Variants in IQGAP1 observed in about 807,000 individuals in gnomAD.
IQGAP1 encodes IQ motif containing GTPase activating protein 1.
IQGAP1 carries 66 observed loss-of-function variants against 215.6 expected under a neutral mutation model. The observed-to-expected ratio is 0.31, with a 90% CI of 0.25 to 0.38. The LOEUF is 0.38. Ranked by LOEUF, IQGAP1 falls within the 10% of genes least tolerant of loss-of-function variation. IQGAP1 has a pLI of 1.00. For synonymous variants in IQGAP1, 772 were observed against 728.7 expected (o/e 1.06, Z -0.96); for missense variants, 1,712 against 1,997.1 (o/e 0.86, Z 2.72).
rs565009431 is a variant in IQGAP1 at position 90,448,396 on chromosome 15, G to A, written c.914-177G>A. Among the ~76,000 whole-genome samples, 2 of 152,128 alleles carry A rather than the reference G, an allele frequency of 1.3e-5. 1 individual carries two copies. The highest frequency in any genetic ancestry group is 4.1e-4 in the South Asian group (2 of 4,822). On this transcript the variant is annotated intron_variant, in intron 9 of 37. Coordinates refer to ENST00000268182, the MANE Select transcript of IQGAP1 (RefSeq NM_003870.4). ...TAGCTTGTTGGGAACCCCTGGACTT[G>A]ATGACTCTAAGGTTCTTTTCCAATC... is the stretch of plus-strand genomic sequence containing the variant.
chr15:90,442,068 A>G (rs953119792), intron 8 of IQGAP1, among the ~76,000 whole-genome samples: 20 of 152,240 alleles, frequency 1.3e-4, no homozygotes, highest in African/African-American at 4.3e-4. Context: ...TCTAGAGCGT[A>G]GCCATTAAAA....
intron 2 of IQGAP1, among the ~76,000 whole-genome samples, chr15:90,421,205 G>T (rs1003222733): frequency 1.3e-5 from 2 of 152,004 alleles, no homozygotes; most frequent in Non-Finnish European, 2.9e-5. Flanking sequence ...GCTGGGCGTG[G>T]TGGCTCATGC....
At chr15:90,405,885 A>G (rs556507055) in intron 2 of IQGAP1, among the ~76,000 whole-genome samples, 65 of 151,774 alleles carry the variant, frequency 4.3e-4, no homozygotes, top group African/African-American at 1.5e-3. Flanking sequence ...AGAATTTGGG[A>G]GATGTTCATG....
At chr15:90,396,377 A>G (rs1428209435) in intron 2 of IQGAP1, among the ~76,000 whole-genome samples, 1 of 152,204 alleles carries the variant, frequency 6.6e-6, no homozygotes, top group Admixed American at 6.5e-5. Context: ...CAGCACTTCT[A>G]GAATTCTCAA....
chr15:90,481,142 C>A (rs2151035107), intron 26 of IQGAP1, among the ~76,000 whole-genome samples: 1 of 152,168 alleles, frequency 6.6e-6, no homozygotes, highest in African/African-American at 2.4e-5. Flanking sequence ...AACTCTGTTT[C>A]TTGACTCTTA....
At chr15:90,466,180 C>T (rs1160438223) in intron 16 of IQGAP1, 89 bp downstream of exon 16, 4 of 1,573,208 alleles carry the variant, frequency 2.5e-6, no homozygotes, top group South Asian at 2.2e-5. Flanking sequence ...TATGGGGGAA[C>T]AATTTGCCAG....
At chr15:90,451,334 T>C (rs908293167) in intron 11 of IQGAP1, among the ~76,000 whole-genome samples, 1 of 152,196 alleles carries the variant, frequency 6.6e-6, no homozygotes, top group African/African-American at 2.4e-5. Context: ...TCTGCTCAGC[T>C]TCTGGTGAGG....
At chr15:90,462,304 A>G (rs1211117476) in intron 15 of IQGAP1, among the ~76,000 whole-genome samples, 3 of 152,214 alleles carry the variant, frequency 2.0e-5, no homozygotes, top group Admixed American at 2.0e-4. Flanking sequence ...GGACATTGAA[A>G]TTCTTTTATT....
intron 2 of IQGAP1, chr15:90,393,999 G>T (rs1010034223): frequency 1.3e-5 from 2 of 152,206 alleles, no homozygotes; most frequent in African/African-American, 4.8e-5. Flanking sequence ...GTCGGGCGTG[G>T]TGGCGGGTGC....
At chr15:90,431,624 G>A (rs139692777) in intron 4 of IQGAP1, among the ~76,000 whole-genome samples, 207 of 152,272 alleles carry the variant, frequency 1.4e-3, no homozygotes, top group Non-Finnish European at 2.5e-3. Flanking sequence ...AACACAGAAT[G>A]TATTAAAGGC....
chr15:90,392,782 T>G (rs1270314751), intron 2 of IQGAP1, among the ~76,000 whole-genome samples: 2 of 137,358 alleles, frequency 1.5e-5, no homozygotes, highest in Non-Finnish European at 3.0e-5. Flanking sequence ...TCTCGCTCTG[T>G]TGCCCAGGCT....
chr15:90,438,254 C>G (rs1285085206), intron 5 of IQGAP1, among the ~76,000 whole-genome samples: 2 of 152,174 alleles, frequency 1.3e-5, no homozygotes, highest in Admixed American at 6.5e-5. Flanking sequence ...CTGTAAAGTA[C>G]CCTTCTGATC....
At chr15:90,489,665 T>C (rs1966176260) in intron 33 of IQGAP1, among the ~76,000 whole-genome samples, 3 of 152,250 alleles carry the variant, frequency 2.0e-5, no homozygotes, top group African/African-American at 7.2e-5. Flanking sequence ...GAGAACTATT[T>C]GGAAACCATT....
intron 4 of IQGAP1, among the ~76,000 whole-genome samples, chr15:90,431,713 AAT>A (rs1965306068): frequency 6.6e-6 from 1 of 152,246 alleles, no homozygotes; most frequent in South Asian, 2.1e-4. Flanking sequence ...ACTTCTGAGT[AAT>A]AAGAACTAAT....
At position 90,486,108 on chromosome 15, in the gene IQGAP1, G is replaced by A. The variant is rs766138727; in HGVS notation, c.4000G>A (p.Val1334Met). The part of the protein sequence containing the change: ...IHELLDDLGE[V>M]PTIESLIGES... ...CGAACTGCTGGACGACCTCGGCGAG[G>A]TGCCCACCATCGAGTCCCTGATAGG... Residue 1334 changes from valine to methionine, a missense_variant, in exon 31 of 38, where the codon GTG becomes ATG. Physicochemically the swap from Val to Met is conservative, Grantham distance 21. Transcript: ENST00000268182. 3.1e-6 allele frequency: 5 copies of A among 1,613,706 alleles called. No homozygotes were observed. The highest frequency in any genetic ancestry group is 4.2e-6 in the Non-Finnish European group (5 of 1,179,780).
chr15:90,481,269 C>CTTTTTTTTTTTTTTTTT (rs57452745), intron 26 of IQGAP1, among the ~76,000 whole-genome samples: 5 of 113,180 alleles, frequency 4.4e-5, no homozygotes, highest in African/African-American at 1.7e-4. Context: ...CTCTCTGCCT[C>CTTTTTTTTTTTTTTTTT]TTTTTTTTTT....
At position 90,473,716 on chromosome 15, in the gene IQGAP1, C is replaced by A; in HGVS notation, c.2351C>A (p.Ser784Ter). ...KQIPAITCIQ[S>*]QWRGYKQKKA... is the part of the protein sequence containing the mutation. ...TTCTGTAACATTTGACTGTTTCAGT[C>A]ACAGTGGAGAGGATACAAGCAGAAG... The change falls in exon 20 of 38, where the codon TCA becomes TAA. Residue 784 changes from serine to a stop codon, truncating the protein, a stop_gained and splice_region_variant. Transcript: ENST00000268182. LOFTEE classifies it high-confidence loss of function. 1 of 1,602,438 alleles carries A rather than the reference C, an allele frequency of 6.2e-7. No individual in the cohort carries two copies. The highest frequency in any genetic ancestry group is 1.1e-5 in the South Asian group (1 of 90,588).
intron 4 of IQGAP1, among the ~76,000 whole-genome samples, chr15:90,432,391 T>C (rs1965315389): frequency 6.6e-6 from 1 of 152,120 alleles, no homozygotes; most frequent in Admixed American, 6.6e-5. Context: ...CCTCCCCAGC[T>C]CCCATCTCCC....
intron 2 of IQGAP1, chr15:90,391,098 C>A: frequency 2.4e-6 from 1 of 412,284 alleles, no homozygotes; most frequent in Non-Finnish European, 4.5e-6. Flanking sequence ...ATTAGCCAGG[C>A]ATGGTGGTGC....
Sources: allele counts gnomAD v4.1 joint callset (sites outside exome capture counted in the v4.1 genomes callset), GRCh38; gene constraint gnomAD v4.1.1; transcripts MANE v1.5; gene names NCBI Gene and HGNC (gene_info 2026-07-23, HGNC 2026-07-21).